The following RIMS1 variants were observed in gnomAD, a reference collection of about 807,000 sequenced individuals.
The protein encoded by RIMS1 is regulating synaptic membrane exocytosis protein 1.
A neutral mutation model predicts 214.1 loss-of-function variants in RIMS1; 83 were observed. The ratio of observed to expected loss-of-function variants is 0.39; its 90% CI spans 0.32 to 0.47. The LOEUF is 0.47. Among genes scored for constraint, RIMS1 ranks in the 20% least tolerant of loss-of-function variants. The pLI is 0.99. For missense variants in RIMS1, 2,050 were observed against 2,161.8 expected, an observed-to-expected ratio of 0.95 and a Z score of 1.03; for synonymous variants, 793 against 786.8, an observed-to-expected ratio of 1.01 and a Z score of -0.13.
chr6:72,271,280 AAAAAAAAT>A (rs1240805846), intron 22 of RIMS1, among the ~76,000 whole-genome samples: 150 of 60,378 alleles, frequency 2.5e-3, no homozygotes, highest in African/African-American at 8.4e-3. Flanking sequence ...AAAAAAAAAA[AAAAAAAAT>A]ATATATATAT....
At chr6:72,252,891 C>A in intron 16 of RIMS1, 59 bp downstream of exon 16, 1 of 1,289,750 alleles carries the variant, frequency 7.8e-7, no homozygotes, top group South Asian at 1.3e-5. Flanking sequence ...TTTTCTCTGT[C>A]AGCTTCCGGA....
At chr6:72,233,935 T>G in intron 7 of RIMS1, 95 bp downstream of exon 7, 1 of 784,832 alleles carries the variant, frequency 1.3e-6, no homozygotes. Context: ...TATTATTCAT[T>G]TGGTAAGGGC....
At chr6:71,972,252 A>C (rs1796039046) in intron 2 of RIMS1, among the ~76,000 whole-genome samples, 1 of 152,208 alleles carries the variant, frequency 6.6e-6, no homozygotes, top group South Asian at 2.1e-4. Flanking sequence ...TTTTCGTCAT[A>C]TAGAGGCCAT....
intron 29 of RIMS1, among the ~76,000 whole-genome samples, chr6:72,337,320 C>T (rs529791187): frequency 9.2e-5 from 14 of 151,776 alleles, no homozygotes; most frequent in Non-Finnish European, 1.6e-4. Context: ...CTTCTCCTCA[C>T]TTGAAAATGA....
intron 2 of RIMS1, among the ~76,000 whole-genome samples, chr6:72,061,329 A>G (rs937263844): frequency 2.0e-5 from 3 of 152,248 alleles, no homozygotes; most frequent in Admixed American, 6.5e-5. Context: ...TTAAATGTGA[A>G]GCTTAACTGG....
At chr6:72,270,497 CCTT>C (rs2082526296) in intron 22 of RIMS1, among the ~76,000 whole-genome samples, 1 of 152,106 alleles carries the variant, frequency 6.6e-6, no homozygotes, top group Non-Finnish European at 1.5e-5. Flanking sequence ...TTAAAAAACA[CCTT>C]CTACTTTTCA....
rs765392940 is a variant in RIMS1, at chr6:72,182,918, C to T, written c.1447C>T (p.Leu483Phe). The change falls in exon 6 of 34, where the codon CTC becomes TTC. Residue 483 changes from leucine (L) to phenylalanine (F), a missense_variant. Physicochemically the swap from Leu to Phe is conservative, Grantham distance 22 (BLOSUM62 0). Around this residue, in one of 6 missense-constraint regions of RIMS1, gnomAD observed 882 missense variants for 828.9 expected, o/e 1.06. Coordinates refer to ENST00000521978, the MANE Select transcript of RIMS1 (RefSeq NM_014989.7). ...QSRLDPSSAV[L>F]MRKAKREKVE... ...CCGCCTGGACCCCAGCTCGGCGGTC[C>T]TCATGCGGAAGGCCAAGCGCGAGAA... 2 of 1,581,566 alleles carry T rather than the reference C, an allele frequency of 1.3e-6. No individual in the cohort carries two copies. The highest frequency in any genetic ancestry group is 1.7e-6 in the Non-Finnish European group (2 of 1,165,288).
chr6:72,282,290 T>C (rs1231125087), intron 23 of RIMS1, among the ~76,000 whole-genome samples: 1 of 152,114 alleles, frequency 6.6e-6, no homozygotes, highest in African/African-American at 2.4e-5. Flanking sequence ...ATCTTCCCAC[T>C]ATGCTTATGC....
At chr6:72,123,047 T>C (rs2038745688) in intron 4 of RIMS1, among the ~76,000 whole-genome samples, 3 of 151,882 alleles carry the variant, frequency 2.0e-5, no homozygotes, top group Admixed American at 1.3e-4. Context: ...CTTCTCTAGC[T>C]CTTTTAATGT....
At chr6:71,908,377 G>C (rs938397808) in intron 1 of RIMS1, among the ~76,000 whole-genome samples, 2 of 152,120 alleles carry the variant, frequency 1.3e-5, no homozygotes, top group African/African-American at 4.8e-5. Context: ...CTGGCCCTTA[G>C]GGCTCTCTCC....
intron 1 of RIMS1, among the ~76,000 whole-genome samples, chr6:71,888,720 C>A (rs2150315180): frequency 6.6e-6 from 1 of 152,356 alleles, no homozygotes; most frequent in East Asian, 1.9e-4. Context: ...CCTGTTCTTT[C>A]ATTGTAGATT....
chr6:71,986,190 G>GTTTT (rs35395914), intron 2 of RIMS1, among the ~76,000 whole-genome samples: 1 of 131,782 alleles, frequency 7.6e-6, no homozygotes, highest in Non-Finnish European at 1.6e-5. Context: ...TTTGGGTTTT[G>GTTTT]TTTTTTTTTT....
intron 4 of RIMS1, among the ~76,000 whole-genome samples, chr6:72,108,037 G>C (rs2035138003): frequency 6.6e-6 from 1 of 151,936 alleles, no homozygotes; most frequent in African/African-American, 2.4e-5. Context: ...TTTTGTTTTT[G>C]AGACAGGGTC....
chr6:72,146,432 T>A (rs752343816), intron 4 of RIMS1, among the ~76,000 whole-genome samples: 9 of 152,360 alleles, frequency 5.9e-5, no homozygotes, highest in Middle Eastern at 3.4e-3. Context: ...GCCCATTTTT[T>A]AAATAAAACC....
rs2154295926 is a variant in RIMS1 at position 72,313,535 on chromosome 6, C to T, written c.3993C>T (p.Ser1331=). ...ACATACATAAAGATCAGTACAGAAG[C>T]TGTGATAACGTCTCTGCCAAATCAT... ...KYNIHKDQYR[S]CDNVSAKSSD... Residue 1331 remains serine (S), a synonymous_variant, in exon 28 of 34, where the codon AGC becomes AGT. Coordinates refer to ENST00000521978, the MANE Select transcript of RIMS1 (RefSeq NM_014989.7). 3 of 1,613,608 alleles carry T rather than the reference C, an allele frequency of 1.9e-6. No individual in the cohort carries two copies. The East Asian group carries it at 6.7e-5, about 36-fold the overall frequency.
chr6:72,112,725 C>T (rs2036350600), intron 4 of RIMS1, among the ~76,000 whole-genome samples: 1 of 152,138 alleles, frequency 6.6e-6, no homozygotes, highest in Non-Finnish European at 1.5e-5. Context: ...AAAATTGTAG[C>T]CACAGCCCAA....
At chr6:72,085,411 T>C (rs764498855) in intron 2 of RIMS1, among the ~76,000 whole-genome samples, 5 of 152,170 alleles carry the variant, frequency 3.3e-5, no homozygotes, top group Non-Finnish European at 7.4e-5. Context: ...TTTCTGTGAT[T>C]CACAAAATTG....
chr6:72,006,951 CT>C (rs1476338152), intron 2 of RIMS1, among the ~76,000 whole-genome samples: 1 of 152,208 alleles, frequency 6.6e-6, no homozygotes, highest in African/African-American at 2.4e-5. Flanking sequence ...TTAAATGTCC[CT>C]GTCTGACAGC....
At chr6:72,340,936 G>C (rs1396401220) in intron 29 of RIMS1, among the ~76,000 whole-genome samples, 4 of 152,016 alleles carry the variant, frequency 2.6e-5, no homozygotes, top group South Asian at 2.1e-4. Context: ...TCTTCCATTT[G>C]TTTGTATCCT....
Sources: allele counts gnomAD v4.1 joint callset (sites outside exome capture counted in the v4.1 genomes callset), GRCh38; gene constraint gnomAD v4.1.1; regional missense constraint gnomAD v4.1.1; transcripts MANE v1.5; gene names NCBI Gene and HGNC (gene_info 2026-07-23, HGNC 2026-07-21).